RSU1: variants seen among roughly 807,000 people sequenced by gnomAD.
RSU1 encodes rsu-1.
Under a neutral mutation model 31.1 loss-of-function variants are expected in RSU1, and 26 were observed. That is an observed-to-expected ratio of 0.84 (90% CI 0.61 to 1.16). The LOEUF (loss-of-function observed/expected upper bound fraction) is 1.16, where lower values mean the gene tolerates loss of function less well. RSU1 is among the 50% of genes most tolerant of loss of function. The pLI, the probability that RSU1 is intolerant of heterozygous loss-of-function variation, is 0.00. For missense variants in RSU1, 320 were observed against 339.1 expected, an observed-to-expected ratio of 0.94 and a Z score of 0.44; for synonymous variants, 164 against 136.3, an observed-to-expected ratio of 1.20 and a Z score of -1.41.
At chr10:16,713,969 C>T (rs948938824) in intron 7 of RSU1, among the ~76,000 whole-genome samples, 1 of 152,152 alleles carries the variant, frequency 6.6e-6, no homozygotes, top group Non-Finnish European at 1.5e-5. Context: ...GCAATGTCTG[C>T]AATTGCCTCA....
intron 8 of RSU1, among the ~76,000 whole-genome samples, chr10:16,693,686 C>A (rs1353881237): frequency 6.6e-6 from 1 of 151,586 alleles, no homozygotes; most frequent in East Asian, 1.9e-4. Flanking sequence ...CAAAGGGAGA[C>A]CCCGTCTCTG....
intron 8 of RSU1, among the ~76,000 whole-genome samples, chr10:16,596,404 C>T (rs1278441417): frequency 1.3e-5 from 2 of 152,178 alleles, no homozygotes; most frequent in Non-Finnish European, 2.9e-5. Context: ...CCGAAACATG[C>T]GTACTCCTCT....
intron 7 of RSU1, among the ~76,000 whole-genome samples, chr10:16,736,375 G>C (rs888954987): frequency 2.0e-5 from 3 of 152,202 alleles, no homozygotes; most frequent in Non-Finnish European, 4.4e-5. Flanking sequence ...CAGCCAGAGA[G>C]TAACGATGTT....
chr10:16,742,682 T>C (rs1360501065), intron 7 of RSU1, among the ~76,000 whole-genome samples: 1 of 152,120 alleles, frequency 6.6e-6, no homozygotes, highest in Non-Finnish European at 1.5e-5. Flanking sequence ...ACATTTAGCA[T>C]CCTATTAAAT....
intron 8 of RSU1, among the ~76,000 whole-genome samples, chr10:16,652,567 C>G (rs1202425797): frequency 6.6e-6 from 1 of 152,152 alleles, no homozygotes; most frequent in Non-Finnish European, 1.5e-5. Context: ...CAAACACACA[C>G]ACACACACGG....
intron 8 of RSU1, among the ~76,000 whole-genome samples, chr10:16,617,358 A>G (rs1214705410): frequency 6.6e-6 from 1 of 152,226 alleles, no homozygotes; most frequent in South Asian, 2.1e-4. Context: ...ATGGAAGAAC[A>G]TTCCATGCTC....
intron 2 of RSU1, among the ~76,000 whole-genome samples, chr10:16,807,668 A>C (rs182437333): frequency 7.5e-4 from 114 of 152,218 alleles, no homozygotes; most frequent in Non-Finnish European, 1.3e-3. Context: ...CTGTAAACCC[A>C]AGTTTCCAAG....
intron 8 of RSU1, among the ~76,000 whole-genome samples, chr10:16,593,705 C>T (rs1056771157): frequency 3.3e-5 from 5 of 152,220 alleles, no homozygotes; most frequent in Non-Finnish European, 7.3e-5. Context: ...TGTCCGATCA[C>T]GGACCAGTCT....
At chr10:16,752,499 C>A (rs756355132) in intron 7 of RSU1, 40 bp downstream of exon 7, 2 of 1,453,334 alleles carry the variant, frequency 1.4e-6, no homozygotes, top group Non-Finnish European at 1.9e-6. Flanking sequence ...AATTGTTATT[C>A]ATGAAACCCA....
Position 16,737,865 on chromosome 10 carries a change from T to G in RSU1, c.598+14674A>C, listed in dbSNP as rs183721920. ...AAACTTTTAAGTGTGCATGTAAAATTCACCAACTAGAGAATACGCAGGCCC... is the reference window on the plus strand; with the variant it reads ...AAACTTTTAAGTGTGCATGTAAAATGCACCAACTAGAGAATACGCAGGCCC... On this transcript the variant is annotated intron_variant, in intron 7 of 8. Coordinates refer to ENST00000345264, the MANE Select transcript of RSU1 (RefSeq NM_012425.4). Among the ~76,000 whole-genome samples the G allele has an allele frequency of 5.3e-5, 8 of 152,136 alleles. No homozygotes were observed. The East Asian group carries it at 1.5e-3, about 29-fold the overall frequency.
chr10:16,685,130 A>G (rs1321894117), intron 8 of RSU1, among the ~76,000 whole-genome samples: 2 of 152,186 alleles, frequency 1.3e-5, no homozygotes, highest in East Asian at 3.9e-4. Flanking sequence ...TGTGCCTGTA[A>G]CCCCAGGTAC....
At chr10:16,733,333 TAAAAAA>T (rs569239845) in intron 7 of RSU1, among the ~76,000 whole-genome samples, 2 of 79,642 alleles carry the variant, frequency 2.5e-5, no homozygotes, top group East Asian at 3.4e-4. Context: ...TCTACGACAA[TAAAAAA>T]AAAAAAAAAA....
At position 16,593,171 on chromosome 10, in the gene RSU1, G is replaced by GTAATGTTAAAGAAACAAATGGA; in HGVS notation, c.*201_*222dup. ...ATAAGAGCTTTGTTCCCTGCTTTTGGTAATGTTAAAGAAACAAATGGAAAT... is the reference window on the plus strand; with the variant it reads ...ATAAGAGCTTTGTTCCCTGCTTTTGGTAATGTTAAAGAAACAAATGGATAATGTTAAAGAAACAAATGGAAAT... On this transcript the variant is annotated 3_prime_UTR_variant, in exon 9 of 9. Transcript: ENST00000345264. 1.3e-6 allele frequency: 1 copy of GTAATGTTAAAGAAACAAATGGA among 748,138 alleles called. No individual in the cohort carries two copies. Among genetic ancestry groups the GTAATGTTAAAGAAACAAATGGA allele is most frequent in the Non-Finnish European group, 1.9e-6 (1 of 523,678 alleles). The allele number at this position is 748,138 out of a possible 1,614,324, so 46.3% of individuals were successfully genotyped here.
chr10:16,645,967 T>C (rs1374067971), intron 8 of RSU1, among the ~76,000 whole-genome samples: 1 of 57,562 alleles, frequency 1.7e-5, no homozygotes. Flanking sequence ...CATATATGTG[T>C]ATATATATGT....
chr10:16,598,572 G>A (rs914220320), intron 8 of RSU1, among the ~76,000 whole-genome samples: 1 of 152,092 alleles, frequency 6.6e-6, no homozygotes, highest in Non-Finnish European at 1.5e-5. Flanking sequence ...AATAAAAACA[G>A]GCAGGGGGTC....
At chr10:16,607,133 C>G (rs12416471) in intron 8 of RSU1, among the ~76,000 whole-genome samples, 1 of 152,112 alleles carries the variant, frequency 6.6e-6, no homozygotes, top group Non-Finnish European at 1.5e-5. Flanking sequence ...TGAGTTCTCG[C>G]GAGATCTGGT....
chr10:16,739,285 A>G (rs2131608571), intron 7 of RSU1, among the ~76,000 whole-genome samples: 1 of 152,178 alleles, frequency 6.6e-6, no homozygotes. Flanking sequence ...AGGAATTGCC[A>G]CACTGTCTTC....
At chr10:16,784,439 T>C (rs542439529) in intron 2 of RSU1, among the ~76,000 whole-genome samples, 4 of 152,324 alleles carry the variant, frequency 2.6e-5, no homozygotes, top group Non-Finnish European at 4.4e-5. Context: ...CTTATGGTTC[T>C]GCAGGCTGTA....
At chr10:16,743,203 C>A (rs79673767) in intron 7 of RSU1, among the ~76,000 whole-genome samples, 7,388 of 152,252 alleles carry the variant, frequency 0.049, 564 homozygotes, top group African/African-American at 0.16. Flanking sequence ...GGAACCACAG[C>A]AATCTGTCAC....
Sources: allele counts gnomAD v4.1 joint callset (sites outside exome capture counted in the v4.1 genomes callset), GRCh38; gene constraint gnomAD v4.1.1; transcripts MANE v1.5; gene names NCBI Gene and HGNC (gene_info 2026-07-23, HGNC 2026-07-21).